MYBPC1: variants seen among roughly 807,000 people sequenced by gnomAD.
MYBPC1 encodes myosin-binding protein C, slow-type.
MYBPC1 carries 52 observed loss-of-function variants against 147.1 expected under a neutral mutation model. The observed-to-expected ratio is 0.35, with a 90% CI of 0.28 to 0.45. MYBPC1 has a LOEUF of 0.45. Among genes scored for constraint, MYBPC1 ranks in the 20% least tolerant of loss-of-function variants. The pLI is 1.00. For missense variants in MYBPC1, 1,228 were observed against 1,440.3 expected, an observed-to-expected ratio of 0.85 and a Z score of 2.39; for synonymous variants, 477 against 475.9, an observed-to-expected ratio of 1.00 and a Z score of -0.03.
intron 18 of MYBPC1, among the ~76,000 whole-genome samples, chr12:101,657,955 C>T (rs1895840797): frequency 2.0e-5 from 3 of 151,802 alleles, no homozygotes. Flanking sequence ...ACGGTGAAAC[C>T]CCGTCTCTAC....
At chr12:101,596,223 G>A (rs1266906672) in intron 1 of MYBPC1, among the ~76,000 whole-genome samples, 1 of 152,174 alleles carries the variant, frequency 6.6e-6, no homozygotes, top group Non-Finnish European at 1.5e-5. Flanking sequence ...AGTAACCAGT[G>A]TTGACAGGCT....
rs1358602338 is a variant in MYBPC1 at position 101,663,460 on chromosome 12, C to G, written c.2256C>G (p.Asp752Glu). The part of the protein sequence containing the change: ...VTSPPTLLTV[D>E]SVTDTTVTMR... ...GCCCTCCTACTCTTCTGACTGTGGA[C>G]TCTGTCACTGACACGACTGTCACGA... The change falls in exon 22 of 32, where the codon GAC becomes GAG. Residue 752 changes from aspartate (D) to glutamate (E), a missense_variant. This residue lies in a region of MYBPC1 where 1,077 missense variants were observed against 1,314.2 expected (regional missense o/e 0.82). Coordinates refer to ENST00000361466, the MANE Select transcript of MYBPC1 (RefSeq NM_002465.4). 1 of 1,613,868 alleles carries G rather than the reference C, an allele frequency of 6.2e-7. No homozygotes were observed. Among genetic ancestry groups the G allele is most frequent in the East Asian group, 2.2e-5 (1 of 44,902 alleles).
chr12:101,682,718 A>G (rs902768630), intron 30 of MYBPC1, 56 bp downstream of exon 30: 7 of 1,463,184 alleles, frequency 4.8e-6, no homozygotes, highest in South Asian at 2.3e-5. Context: ...TTCCTCTTAC[A>G]TGAAAATGCA....
intron 3 of MYBPC1, among the ~76,000 whole-genome samples, chr12:101,618,328 A>G (rs1028471154): frequency 6.6e-6 from 1 of 152,218 alleles, no homozygotes; most frequent in Non-Finnish European, 1.5e-5. Context: ...AGTGGCTCCC[A>G]TGGAGAGTAA....
chr12:101,637,977 C>A (rs910327963), intron 10 of MYBPC1, among the ~76,000 whole-genome samples: 4 of 152,172 alleles, frequency 2.6e-5, no homozygotes, highest in Admixed American at 2.6e-4. Context: ...GTGAGCCTCA[C>A]GTTTCCTCAT....
At chr12:101,658,975 C>A (rs1365249342) in intron 18 of MYBPC1, among the ~76,000 whole-genome samples, 1 of 151,660 alleles carries the variant, frequency 6.6e-6, no homozygotes, top group Non-Finnish European at 1.5e-5. Context: ...GAAGATACAA[C>A]CTGGGAATCA....
At position 101,673,608 on chromosome 12, in the gene MYBPC1, A is replaced by G. The variant is rs1372700890; in HGVS notation, c.2795A>G (p.Asp932Gly). Residue 932 changes from aspartate to glycine, a missense_variant, in exon 25 of 32, where the codon GAC becomes GGC. Asp to Gly is a moderately conservative substitution (Grantham distance 94). Transcript: ENST00000361466. The part of the protein sequence containing the change: ...VDKFVETASI[D>G]IQIIDRPGPP... ...AAATTCGTGGAGACCGCATCAATTGACATCCAGATCATTGGTAGGTTTAGA... is the reference window on the plus strand; with the variant it reads ...AAATTCGTGGAGACCGCATCAATTGGCATCCAGATCATTGGTAGGTTTAGA... The G allele has an allele frequency of 6.2e-7, 1 of 1,614,192 alleles. No homozygotes were observed. Among genetic ancestry groups the G allele is most frequent in the East Asian group, 2.2e-5 (1 of 44,888 alleles).
chr12:101,685,798 C>G lies in MYBPC1; in HGVS notation c.*236C>G. 1.6e-6 allele frequency: 1 copy of G among 617,230 alleles called. No homozygotes were observed. The highest frequency in any genetic ancestry group is 2.5e-6 in the Non-Finnish European group (1 of 398,302). The allele number at this position is 617,230 out of a possible 1,614,324, so 38.2% of individuals were successfully genotyped here. A position where few individuals can be genotyped will look rare whatever the true frequency, so the allele number is the denominator to read the frequency against. Reference sequence around the variant, plus strand: ...CCAAGTGTGGTCTTTTTCTTTCCTCCTAATGTTGAAGAGAAAAAAAAAAAA... The same window carrying G: ...CCAAGTGTGGTCTTTTTCTTTCCTCGTAATGTTGAAGAGAAAAAAAAAAAA... On this transcript the variant is annotated 3_prime_UTR_variant, in exon 32 of 32. Coordinates refer to ENST00000361466, the MANE Select transcript of MYBPC1 (RefSeq NM_002465.4).
At chr12:101,600,665 CTGTT>C (rs1045690715) in intron 1 of MYBPC1, among the ~76,000 whole-genome samples, 4 of 151,996 alleles carry the variant, frequency 2.6e-5, no homozygotes, top group Admixed American at 1.3e-4. Flanking sequence ...TATTTTTAGG[CTGTT>C]TGTGGACACA....
At chr12:101,622,223 T>C (rs926780845) in intron 3 of MYBPC1, among the ~76,000 whole-genome samples, 2 of 152,222 alleles carry the variant, frequency 1.3e-5, no homozygotes, top group East Asian at 1.9e-4. Context: ...ATATATGTTG[T>C]TGAACTGGAC....
chr12:101,667,683 T>C (rs1897742158), intron 22 of MYBPC1, 49 bp from the exon 23 acceptor site: 1 of 1,606,074 alleles, frequency 6.2e-7, no homozygotes, highest in Non-Finnish European at 8.5e-7. Context: ...ATGATTTTTT[T>C]CACTAAACAG....
intron 3 of MYBPC1, among the ~76,000 whole-genome samples, chr12:101,621,360 G>A (rs572358070): frequency 6.6e-6 from 1 of 152,306 alleles, no homozygotes; most frequent in African/African-American, 2.4e-5. Context: ...CATACTTATT[G>A]TAGGATAAAT....
chr12:101,602,371 C>T (rs1427727792), intron 1 of MYBPC1, among the ~76,000 whole-genome samples: 7 of 152,218 alleles, frequency 4.6e-5, no homozygotes, highest in Admixed American at 1.3e-4. Context: ...TGCGCCACCA[C>T]GCCCAGCTAA....
Position 101,663,495 on chromosome 12 carries a change from G to C in MYBPC1, c.2291G>C (p.Arg764Pro). The C allele has an allele frequency of 6.2e-7, 1 of 1,613,898 alleles. No homozygotes were observed. The highest frequency in any genetic ancestry group is 8.5e-7 in the Non-Finnish European group (1 of 1,179,966). Residue 764 changes from arginine to proline, a missense_variant, in exon 22 of 32, where the codon CGC becomes CCC. Arg to Pro is a moderately radical substitution (Grantham distance 103, BLOSUM62 -2). Coordinates refer to ENST00000361466, the MANE Select transcript of MYBPC1 (RefSeq NM_002465.4). ...VTDTTVTMRW[R>P]PPDHIGAAGL... ...GACACGACTGTCACGATGAGGTGGC[G>C]CCCCCCAGACCACATTGGTGCAGCA...
At chr12:101,682,847 T>C (rs1951104473) in intron 30 of MYBPC1, among the ~76,000 whole-genome samples, 185 bp downstream of exon 30, 1 of 152,182 alleles carries the variant, frequency 6.6e-6, no homozygotes, top group African/African-American at 2.4e-5. Context: ...TATTAAGTAA[T>C]GTAGAAACTA....
At position 101,665,656 on chromosome 12, in the gene MYBPC1, A is replaced by G. The variant is rs192904792; in HGVS notation, c.2357-2076A>G. The stretch of plus-strand genomic sequence containing the variant: ...CTTCTTTGTCTGTGTTTCCCCAATT[A>G]AAGTGGTTCCAATGTGAAGAGATGG... On this transcript the variant is annotated intron_variant, in intron 22 of 31. Transcript: ENST00000361466. Among the ~76,000 whole-genome samples the G allele has an allele frequency of 6.6e-5, 10 of 152,176 alleles. No individual in the cohort carries two copies. In the East Asian group the frequency reaches 1.9e-3, roughly 29 times the overall value.
chr12:101,684,498 A>G (rs1240371857), intron 31 of MYBPC1, 74 bp downstream of exon 31: 1 of 1,113,164 alleles, frequency 9.0e-7, no homozygotes, highest in Non-Finnish European at 1.3e-6. Context: ...GGAGTATGGC[A>G]TGATTTTCAT....
At chr12:101,666,750 C>A (rs1281049706) in intron 22 of MYBPC1, 2 of 1,613,672 alleles carry the variant, frequency 1.2e-6, no homozygotes, top group Non-Finnish European at 1.7e-6. Flanking sequence ...AAAGGTACAT[C>A]AGCAAAACAG....
At chr12:101,688,427 A>AT (rs538581146), downstream of MYBPC1, among the ~76,000 whole-genome samples, 3 of 151,996 alleles carry the variant, frequency 2.0e-5, no homozygotes, top group Non-Finnish European at 4.4e-5. Flanking sequence ...TCAAAAAAAA[A>AT]TTTTTTTTAA....
Sources: allele counts gnomAD v4.1 joint callset (sites outside exome capture counted in the v4.1 genomes callset), GRCh38; gene constraint gnomAD v4.1.1; regional missense constraint gnomAD v4.1.1; transcripts MANE v1.5; gene names NCBI Gene and HGNC (gene_info 2026-07-23, HGNC 2026-07-21).